The following HEPHL1 variants were observed in gnomAD, a reference collection of about 807,000 sequenced individuals.
The protein encoded by HEPHL1 is ferroxidase HEPHL1.
Under a neutral mutation model 122.0 loss-of-function variants are expected in HEPHL1, and 123 were observed. That is an observed-to-expected ratio of 1.01 (90% confidence interval 0.87 to 1.17). The LOEUF (loss-of-function observed/expected upper bound fraction) is 1.17, where lower values mean the gene tolerates loss of function less well. Ranked by LOEUF, HEPHL1 falls within the 50% of genes most tolerant of loss-of-function variation. HEPHL1 has a pLI of 0.00. For missense variants in HEPHL1, 1,452 were observed against 1,430.5 expected, an observed-to-expected ratio of 1.01 and a Z score of -0.24; for synonymous variants, 527 against 508.9, an observed-to-expected ratio of 1.04 and a Z score of -0.48.
chr11:94,034,001 C>T (rs537872895), intron 1 of HEPHL1, among the ~76,000 whole-genome samples: 26 of 152,106 alleles, frequency 1.7e-4, no homozygotes, highest in African/African-American at 6.3e-4. Flanking sequence ...ACCACTGAGG[C>T]CCAGGAAAAA....
At chr11:94,056,087 A>G in intron 2 of HEPHL1, 1 of 324,602 alleles carries the variant, frequency 3.1e-6, no homozygotes, top group South Asian at 4.2e-5. Context: ...TACATTTATA[A>G]TGTTATATTT....
intron 11 of HEPHL1, among the ~76,000 whole-genome samples, 183 bp downstream of exon 11, chr11:94,086,372 A>C (rs1946218598): frequency 6.6e-6 from 1 of 152,222 alleles, no homozygotes. Flanking sequence ...TAAGGGACAA[A>C]GGGGAAATAT....
chr11:94,027,410 G>A (rs558690108), intron 1 of HEPHL1, among the ~76,000 whole-genome samples: 9 of 152,336 alleles, frequency 5.9e-5, no homozygotes, highest in Non-Finnish European at 1.0e-4. Context: ...ATCAGCTCTC[G>A]TGGTAGCTCT....
At chr11:94,026,231 G>A (rs1455472575) in intron 1 of HEPHL1, among the ~76,000 whole-genome samples, 2 of 152,192 alleles carry the variant, frequency 1.3e-5, no homozygotes, top group African/African-American at 4.8e-5. Context: ...AAAGGTAGAA[G>A]CAGAACAATT....
chr11:94,093,266 A>G (rs1946276168), intron 12 of HEPHL1, among the ~76,000 whole-genome samples: 1 of 152,096 alleles, frequency 6.6e-6, no homozygotes, highest in Non-Finnish European at 1.5e-5. Flanking sequence ...GTGATTTCCA[A>G]GGGTGGGCCA....
At chr11:94,097,814 G>C (rs1403422936) in intron 13 of HEPHL1, among the ~76,000 whole-genome samples, 1 of 152,114 alleles carries the variant, frequency 6.6e-6, no homozygotes, top group Non-Finnish European at 1.5e-5. Flanking sequence ...TTTAAAGTCT[G>C]TTTTATCAGA....
intron 17 of HEPHL1, 108 bp from the exon 18 acceptor site, chr11:94,110,795 C>T: frequency 1.3e-6 from 1 of 774,790 alleles, no homozygotes; most frequent in South Asian, 2.0e-5. Context: ...TTTCTTATGT[C>T]CTTCCTTTTG....
chr11:94,069,379 T>C (rs1012427649), intron 5 of HEPHL1, among the ~76,000 whole-genome samples: 12 of 152,084 alleles, frequency 7.9e-5, no homozygotes, highest in Admixed American at 3.9e-4. Context: ...CCTTAGCCTT[T>C]CAAAGTGCTG....
chr11:94,091,223 T>TG (rs1946261974), intron 12 of HEPHL1, among the ~76,000 whole-genome samples: 1 of 152,196 alleles, frequency 6.6e-6, no homozygotes, highest in East Asian at 1.9e-4. Context: ...GCTCAGCATC[T>TG]CTTGCACCAT....
intron 13 of HEPHL1, among the ~76,000 whole-genome samples, chr11:94,096,668 G>A (rs563187894): frequency 9.2e-5 from 14 of 152,128 alleles, no homozygotes; most frequent in Middle Eastern, 3.4e-3. Flanking sequence ...TTGTTTGGTA[G>A]GCTATTAATT....
Position 94,086,113 on chromosome 11 carries a change from A to G in HEPHL1, c.2004A>G (p.Leu668=), listed in dbSNP as rs1946215632. ...TTTTTCAAGGGAACACCATCCACCT[A>G]CGAGGGACTCACCGAGACTCCCTGG... The part of the protein sequence containing the change: ...GIVFQGNTIH[L]RGTHRDSLAL... The change falls in exon 11 of 20, where the codon CTA becomes CTG. Residue 668 remains leucine (L), a synonymous_variant. Transcript: ENST00000315765. 5.0e-6 allele frequency: 8 copies of G among 1,613,642 alleles called. No homozygotes were observed. Among genetic ancestry groups the G allele is most frequent in the Admixed American group, 1.7e-5 (1 of 59,972 alleles).
chr11:94,070,599 T>G (rs1277423317), intron 6 of HEPHL1, 57 bp downstream of exon 6: 1 of 1,410,788 alleles, frequency 7.1e-7, no homozygotes, highest in Non-Finnish European at 9.8e-7. Context: ...TGTGTTAGGC[T>G]TTCTCTGTGA....
At chr11:94,089,080 C>A in intron 12 of HEPHL1, 112 bp downstream of exon 12, 1 of 977,676 alleles carries the variant, frequency 1.0e-6, no homozygotes, top group Non-Finnish European at 1.6e-6. Context: ...CAGTTCCGGC[C>A]GACAGAGACT....
At chr11:94,091,819 G>A (rs1265293019) in intron 12 of HEPHL1, among the ~76,000 whole-genome samples, 1 of 152,100 alleles carries the variant, frequency 6.6e-6, no homozygotes, top group East Asian at 1.9e-4. Flanking sequence ...CGTGGCAGAG[G>A]GAACAACCTG....
intron 1 of HEPHL1, among the ~76,000 whole-genome samples, chr11:94,030,614 C>G (rs1164719849): frequency 6.6e-6 from 1 of 152,152 alleles, no homozygotes; most frequent in Non-Finnish European, 1.5e-5. Flanking sequence ...CCAGCTACAC[C>G]TGGAGAAGTA....
chr11:94,052,795 G>C (rs1313999250), intron 2 of HEPHL1, among the ~76,000 whole-genome samples: 1 of 152,100 alleles, frequency 6.6e-6, no homozygotes, highest in Non-Finnish European at 1.5e-5. Context: ...ATTTTTGGAT[G>C]TTAAGCCAAC....
At chr11:94,030,416 T>C (rs146082923) in intron 1 of HEPHL1, among the ~76,000 whole-genome samples, 3 of 152,220 alleles carry the variant, frequency 2.0e-5, no homozygotes, top group Non-Finnish European at 4.4e-5. Flanking sequence ...TTATTATTAT[T>C]GCTTACATAA....
intron 1 of HEPHL1, among the ~76,000 whole-genome samples, chr11:94,023,146 A>G (rs1038431570): frequency 1.3e-5 from 2 of 152,230 alleles, no homozygotes; most frequent in Admixed American, 6.5e-5. Context: ...GCCGGAGTTT[A>G]TAAGTAAGTG....
chr11:94,101,053 A>T, intron 13 of HEPHL1, 142 bp from the exon 14 acceptor site: 1 of 783,260 alleles, frequency 1.3e-6, no homozygotes, highest in Non-Finnish European at 2.1e-6. Context: ...TGCTCTCTAA[A>T]GTGGAGTAGA....
Sources: gnomAD v4.1 joint callset for allele counts (sites outside exome capture counted in the v4.1 genomes callset) on GRCh38, gnomAD v4.1.1 for gene constraint, MANE v1.5 for transcripts, NCBI Gene and HGNC (gene_info 2026-07-23, HGNC 2026-07-21) for gene names.